The following HECW1 variants were observed in gnomAD, a reference collection of about 807,000 sequenced individuals.
HECW1 encodes E3 ubiquitin-protein ligase HECW1.
A neutral mutation model predicts 182.3 loss-of-function variants in HECW1; 61 were observed. The observed-to-expected ratio is 0.33, with a 90% confidence interval of 0.27 to 0.41. The LOEUF (loss-of-function observed/expected upper bound fraction) is 0.41, where lower values mean the gene tolerates loss of function less well. HECW1 is among the 10% of genes least tolerant of loss of function. The pLI is 1.00. For missense variants in HECW1, 1,739 were observed against 2,108.9 expected (o/e 0.82, Z 3.44); for synonymous variants, 859 against 832.6 (o/e 1.03, Z -0.55).
chr7:43,153,159 T>G (rs1029597638), intron 2 of HECW1, among the ~76,000 whole-genome samples: 2 of 152,130 alleles, frequency 1.3e-5, no homozygotes, highest in African/African-American at 4.8e-5. Flanking sequence ...TAGTTTTTGG[T>G]CTTTGCATTT....
chr7:43,516,547 T>A (rs1212774840), intron 24 of HECW1, among the ~76,000 whole-genome samples: 2 of 152,260 alleles, frequency 1.3e-5, no homozygotes, highest in Non-Finnish European at 2.9e-5. Context: ...GTCCCAATCA[T>A]TCTGAATGTC....
At chr7:43,362,131 C>CAA (rs34879817) in intron 6 of HECW1, among the ~76,000 whole-genome samples, 9,397 of 87,354 alleles carry the variant, frequency 0.11, 659 homozygotes, top group South Asian at 0.24. Flanking sequence ...AACTCCGTCT[C>CAA]AAAAAAAAAA....
chr7:43,382,485 A>C (rs1425777768), intron 6 of HECW1, among the ~76,000 whole-genome samples: 7 of 152,208 alleles, frequency 4.6e-5, no homozygotes, highest in Admixed American at 4.6e-4. Flanking sequence ...CTGGTTACAA[A>C]ATACATAGAT....
intron 2 of HECW1, among the ~76,000 whole-genome samples, chr7:43,194,733 G>A (rs60582473): frequency 0.1 from 15,443 of 149,414 alleles, 885 homozygotes; most frequent in East Asian, 0.15. Flanking sequence ...TCACTCTGTC[G>A]CCCAGGCTGG....
intron 2 of HECW1, among the ~76,000 whole-genome samples, chr7:43,124,511 G>A (rs900778424): frequency 1.4e-4 from 21 of 152,168 alleles, no homozygotes; most frequent in African/African-American, 3.6e-4. Flanking sequence ...AGTGAAACAC[G>A]TTGTGAGCAC....
At chr7:43,112,959 A>G (rs1473559072) in intron 1 of HECW1, 22 bp downstream of exon 1, 2 of 209,044 alleles carry the variant, frequency 9.6e-6, no homozygotes, top group East Asian at 7.0e-5. Flanking sequence ...TAGCGCGGGG[A>G]CACTGTCTGC....
chr7:43,329,477 A>G (rs1811193549), intron 5 of HECW1, among the ~76,000 whole-genome samples: 1 of 152,046 alleles, frequency 6.6e-6, no homozygotes, highest in Admixed American at 6.5e-5. Flanking sequence ...ACCTGGAATG[A>G]GAAAAATGGA....
intron 2 of HECW1, among the ~76,000 whole-genome samples, chr7:43,190,471 C>A (rs941387919): frequency 2.6e-5 from 4 of 152,222 alleles, no homozygotes; most frequent in African/African-American, 9.6e-5. Context: ...CTTCATTGTA[C>A]AACTAAATCC....
chr7:43,505,888 C>CGAGA (rs2079558801), intron 21 of HECW1, among the ~76,000 whole-genome samples: 1 of 152,220 alleles, frequency 6.6e-6, no homozygotes, highest in South Asian at 2.1e-4. Flanking sequence ...GAGAGTTTAC[C>CGAGA]AGCATCAGTC....
intron 2 of HECW1, among the ~76,000 whole-genome samples, chr7:43,153,063 A>G (rs1010990997): frequency 1.3e-5 from 2 of 152,134 alleles, no homozygotes; most frequent in Non-Finnish European, 2.9e-5. Context: ...ACCTTCTCTT[A>G]TGTAGGCTTC....
intron 7 of HECW1, 112 bp from the exon 8 acceptor site, chr7:43,407,450 A>C: frequency 1.9e-5 from 14 of 729,638 alleles, no homozygotes; most frequent in Non-Finnish European, 2.7e-5. Context: ...GAGTAACACT[A>C]GAGATCTAGT....
At chr7:43,336,618 A>G (rs895731070) in intron 5 of HECW1, among the ~76,000 whole-genome samples, 1 of 152,152 alleles carries the variant, frequency 6.6e-6, no homozygotes, top group Non-Finnish European at 1.5e-5. Flanking sequence ...ATGCATAATA[A>G]TGAGGATTGG....
chr7:43,196,702 T>A (rs1194587639), intron 2 of HECW1, among the ~76,000 whole-genome samples: 1 of 152,220 alleles, frequency 6.6e-6, no homozygotes, highest in Non-Finnish European at 1.5e-5. Flanking sequence ...TTGATAGTTT[T>A]TTCCACAATA....
In HECW1 at chr7:43,561,937, C is replaced by G; in HGVS notation, c.*11C>G. On this transcript the variant is annotated 3_prime_UTR_variant, in exon 30 of 30. Coordinates refer to ENST00000395891, the MANE Select transcript of HECW1 (RefSeq NM_015052.5). ...TTTGGACTTGAGTGAGGACATGGAA[C>G]CTCGCCTGACATTTTCCTGGCCAGT... The G allele has an allele frequency of 5.3e-6, 8 of 1,505,282 alleles. No homozygotes were observed. Among genetic ancestry groups the G allele is most frequent in the Non-Finnish European group, 7.4e-6 (8 of 1,080,952 alleles). The allele number at this position is 1,505,282 out of a possible 1,614,324, so 93.2% of individuals were successfully genotyped here.
chr7:43,228,797 C>G (rs915834279), intron 2 of HECW1, among the ~76,000 whole-genome samples: 9 of 152,132 alleles, frequency 5.9e-5, no homozygotes, highest in Non-Finnish European at 1.0e-4. Context: ...TTATAAAAGG[C>G]ATCCATTAAA....
intron 17 of HECW1, among the ~76,000 whole-genome samples, chr7:43,488,434 G>GAGAAAGAAAGAAAAAAAGAA (rs1554440501): frequency 1.1e-5 from 1 of 93,082 alleles, no homozygotes; most frequent in African/African-American, 4.4e-5. Flanking sequence ...AAGAAAGAAA[G>GAGAAAGAAAGAAAAAAAGAA]AGAAAGAAAG....
intron 2 of HECW1, among the ~76,000 whole-genome samples, chr7:43,191,822 A>C (rs1209789790): frequency 1.3e-5 from 2 of 152,240 alleles, no homozygotes; most frequent in Non-Finnish European, 2.9e-5. Flanking sequence ...CAGCAAACTC[A>C]TATTATGCAG....
intron 2 of HECW1, among the ~76,000 whole-genome samples, chr7:43,222,427 G>A (rs1797064463): frequency 6.6e-6 from 1 of 152,098 alleles, no homozygotes; most frequent in African/African-American, 2.4e-5. Flanking sequence ...TGTATAAGAG[G>A]GATTGCATTT....
At chr7:43,476,617 C>T (rs947352490) in intron 16 of HECW1, among the ~76,000 whole-genome samples, 8 of 152,048 alleles carry the variant, frequency 5.3e-5, no homozygotes, top group African/African-American at 1.9e-4. Context: ...AGTGCGGTAC[C>T]AGTGAAAAGC....
Sources: gnomAD v4.1 joint callset for allele counts (sites outside exome capture counted in the v4.1 genomes callset) on GRCh38, gnomAD v4.1.1 for gene constraint, MANE v1.5 for transcripts, NCBI Gene and HGNC (gene_info 2026-07-23, HGNC 2026-07-21) for gene names.